Variants in NFASC observed in about 807,000 individuals in gnomAD.
NFASC encodes the protein neurofascin, also known as neurofascin homolog.
In NFASC, 43 loss-of-function variants were observed where a neutral mutation model predicts 147.5. That is an observed-to-expected ratio of 0.29 (90% CI 0.23 to 0.38). NFASC has a LOEUF of 0.38. Among genes scored for constraint, NFASC ranks in the 10% least tolerant of loss-of-function variants. The pLI, the probability that NFASC is intolerant of heterozygous loss-of-function variation, is 1.00. For missense variants in NFASC, 1,320 were observed against 1,689.0 expected, an observed-to-expected ratio of 0.78 and a Z score of 3.83; for synonymous variants, 622 against 665.5, an observed-to-expected ratio of 0.93 and a Z score of 1.01.
At chr1:204,967,106 C>A (rs2094991662) in intron 8 of NFASC, among the ~76,000 whole-genome samples, 1 of 152,220 alleles carries the variant, frequency 6.6e-6, no homozygotes, top group Non-Finnish European at 1.5e-5. Flanking sequence ...CAGCTCCTGG[C>A]AGCTCTGCCT....
At chr1:204,883,414 A>G (rs2080687129) in intron 1 of NFASC, among the ~76,000 whole-genome samples, 1 of 152,136 alleles carries the variant, frequency 6.6e-6, no homozygotes, top group South Asian at 2.1e-4. Flanking sequence ...CATCACTTAC[A>G]TCCCATTGAA....
chr1:204,992,662 A>G (rs1409334108), intron 24 of NFASC, among the ~76,000 whole-genome samples: 8 of 152,226 alleles, frequency 5.3e-5, no homozygotes, highest in Admixed American at 5.2e-4. Context: ...AGTTTACGTA[A>G]GTCTCTCCCG....
intron 2 of NFASC, among the ~76,000 whole-genome samples, chr1:204,933,358 G>A (rs1355238022): frequency 6.6e-6 from 1 of 152,280 alleles, no homozygotes; most frequent in Middle Eastern, 3.4e-3. Flanking sequence ...TGATGCCTGG[G>A]TATGGGCTAT....
intron 25 of NFASC, chr1:204,997,637 C>A (rs1020708663): frequency 1.2e-5 from 7 of 603,854 alleles, no homozygotes; most frequent in Admixed American, 2.8e-5. Context: ...CTTGGGTGGT[C>A]CTCCACCACT....
At chr1:204,984,099 G>A (rs913851536) in intron 21 of NFASC, 36 of 1,614,008 alleles carry the variant, frequency 2.2e-5, no homozygotes, top group Non-Finnish European at 3.0e-5. Context: ...CAGTGGAACC[G>A]CGTCTACTCC....
chr1:204,978,430 T>C (rs2095448580), intron 17 of NFASC, among the ~76,000 whole-genome samples: 1 of 152,082 alleles, frequency 6.6e-6, no homozygotes, highest in South Asian at 2.1e-4. Context: ...AGTCTCCATC[T>C]CCTCCCTGGT....
chr1:204,909,365 C>A (rs1364654707), intron 1 of NFASC, among the ~76,000 whole-genome samples: 4 of 152,068 alleles, frequency 2.6e-5, no homozygotes, highest in Non-Finnish European at 4.4e-5. Flanking sequence ...ATGTTGAATG[C>A]CTTTTCATGT....
chr1:204,925,154 G>A (rs954728685), intron 2 of NFASC, among the ~76,000 whole-genome samples: 26 of 152,212 alleles, frequency 1.7e-4, no homozygotes, highest in African/African-American at 6.0e-4. Context: ...GATTACAGGC[G>A]AAGAAAGGAC....
intron 1 of NFASC, among the ~76,000 whole-genome samples, chr1:204,838,984 C>T (rs1674526613): frequency 6.6e-6 from 1 of 152,232 alleles, no homozygotes. Context: ...TGGCGCATGC[C>T]AGCCTCCATT....
At chr1:204,848,117 A>G (rs1338481066) in intron 1 of NFASC, among the ~76,000 whole-genome samples, 5 of 151,828 alleles carry the variant, frequency 3.3e-5, no homozygotes, top group Admixed American at 1.3e-4. Context: ...AGCCTGGAGA[A>G]CTCGTCCTTT....
At chr1:204,988,495 C>A (rs1011361323) in intron 22 of NFASC, 138 bp from the exon 23 acceptor site, 1 of 748,812 alleles carries the variant, frequency 1.3e-6, no homozygotes, top group Non-Finnish European at 2.3e-6. Flanking sequence ...TTGAACCAAG[C>A]CTTTAAGATC....
chr1:204,942,941 G>T (rs139727484), intron 2 of NFASC, among the ~76,000 whole-genome samples: 1 of 152,330 alleles, frequency 6.6e-6, no homozygotes, highest in East Asian at 1.9e-4. Context: ...TCTCCAGAAG[G>T]ATGGCCTTGT....
In NFASC at chr1:204,973,272, G is replaced by A. The variant is rs199867944; in HGVS notation, c.1136-4G>A. On this transcript the variant is annotated splice_polypyrimidine_tract_variant and splice_region_variant and intron_variant, in intron 11 of 29. Transcript: ENST00000339876. Reference sequence around the variant, plus strand: ...CATGAGGAGCGTCTCTTTCTTGTCTGTAGCGGCACCACCTAACCCAAACCG... The same window carrying A: ...CATGAGGAGCGTCTCTTTCTTGTCTATAGCGGCACCACCTAACCCAAACCG... The A allele has an allele frequency of 1.2e-6, 2 of 1,614,044 alleles. No homozygotes were observed. Among genetic ancestry groups the A allele is most frequent in the African/African-American group, 2.7e-5 (2 of 75,062 alleles).
intron 8 of NFASC, chr1:204,967,950 G>T: frequency 3.9e-6 from 1 of 258,528 alleles, no homozygotes; most frequent in Non-Finnish European, 7.5e-6. Flanking sequence ...ATCTCGCACT[G>T]CTCAGACAGC....
At position 204,828,755 on chromosome 1, in the gene NFASC, C is replaced by T; in HGVS notation, c.-227C>T. 5 of 985,748 alleles carry T rather than the reference C, an allele frequency of 5.1e-6. No homozygotes were observed. The highest frequency in any genetic ancestry group is 6.0e-6 in the Non-Finnish European group (5 of 830,310). 61.1% of individuals were successfully genotyped at this position (985,748 alleles called of 1,614,324 possible). On this transcript the variant is annotated 5_prime_UTR_variant, in exon 1 of 30. Coordinates refer to ENST00000339876, the MANE Select transcript of NFASC (RefSeq NM_001005388.3). ...CCGGCAGCGGACAGCTCGGACAGCG[C>T]CCAGGGCCGGAGCCCGAGCCCTTGG...
At position 204,975,514 on chromosome 1, in the gene NFASC, A is replaced by G; in HGVS notation, c.1706+96A>G. ...CACATGGAAGAACACAGGGACAGGGAACCCGTGTCATGCATGTCACCAAGG... is the reference window on the plus strand; with the variant it reads ...CACATGGAAGAACACAGGGACAGGGGACCCGTGTCATGCATGTCACCAAGG... On this transcript the variant is annotated intron_variant, in intron 15 of 29. Transcript: ENST00000339876. The surrounding 1 kb of genome is among the most constrained non-coding windows in gnomAD (Gnocchi z 4.0). 1 of 1,473,052 alleles carries G rather than the reference A, an allele frequency of 6.8e-7. No individual in the cohort carries two copies. The highest frequency in any genetic ancestry group is 9.3e-7 in the Non-Finnish European group (1 of 1,074,514). 91.2% of individuals were successfully genotyped at this position (1,473,052 alleles called of 1,614,324 possible).
At chr1:204,963,492 C>T (rs1009951982) in intron 8 of NFASC, among the ~76,000 whole-genome samples, 2 of 152,172 alleles carry the variant, frequency 1.3e-5, no homozygotes, top group African/African-American at 2.4e-5. Context: ...TACAGGGGAA[C>T]GTACACATAG....
At chr1:204,931,585 G>C (rs1316515729) in intron 2 of NFASC, among the ~76,000 whole-genome samples, 3 of 152,182 alleles carry the variant, frequency 2.0e-5, no homozygotes, top group Admixed American at 6.5e-5. Context: ...CTGGCATGTG[G>C]CCTTGGTAGC....
intron 5 of NFASC, 122 bp downstream of exon 5, chr1:204,952,238 C>A (rs1187746146): frequency 1.9e-5 from 14 of 742,668 alleles, no homozygotes; most frequent in Non-Finnish European, 3.0e-5. Context: ...TTCCATTAGG[C>A]ACCTACTAGG....
Sources: gnomAD v4.1 joint callset for allele counts (sites outside exome capture counted in the v4.1 genomes callset) on GRCh38, gnomAD v4.1.1 for gene constraint, Gnocchi (gnomAD v3.1) non-coding constraint, MANE v1.5 for transcripts, NCBI Gene and HGNC (gene_info 2026-07-23, HGNC 2026-07-21) for gene names.